B3GNT4: variants seen among roughly 807,000 people sequenced by gnomAD.
B3GNT4 encodes the protein N-acetyllactosaminide beta-1,3-N-acetylglucosaminyltransferase 4.
B3GNT4 carries 2 observed loss-of-function variants against 2.7 expected under a neutral mutation model. The observed-to-expected ratio is 0.73, with a 90% confidence interval of 0.30 to 2.31. The LOEUF (loss-of-function observed/expected upper bound fraction) is 2.31. Among genes scored for constraint, B3GNT4 ranks in the 30% most tolerant of loss-of-function variants. The pLI, the probability that B3GNT4 is intolerant of heterozygous loss-of-function variation, is 0.12. For missense variants in B3GNT4, 708 were observed against 490.9 expected (o/e 1.44, Z -4.18); for synonymous variants, 280 against 203.4 (o/e 1.38, Z -3.20).
At position 122,207,969 on chromosome 12, in the gene B3GNT4, C is replaced by A; in HGVS notation, c.*581C>A. On this transcript the variant is annotated 3_prime_UTR_variant, in exon 3 of 3. Transcript: ENST00000324189. Reference sequence around the variant, plus strand: ...ACAGGTTCCCCTCCCCCTGCCACAACTGGCATCCCAACAGAGGGAACAAGT... The same window carrying A: ...ACAGGTTCCCCTCCCCCTGCCACAAATGGCATCCCAACAGAGGGAACAAGT... The A allele has an allele frequency of 2.1e-6, 1 of 468,036 alleles. No individual in the cohort carries two copies. The highest frequency in any genetic ancestry group is 1.5e-5 in the South Asian group (1 of 64,600). 29.0% of individuals were successfully genotyped at this position (468,036 alleles called of 1,614,324 possible).
At position 122,206,329 on chromosome 12, in the gene B3GNT4, G is replaced by C; in HGVS notation, c.78G>C (p.Met26Ile). The C allele has an allele frequency of 6.4e-7, 1 of 1,571,338 alleles. No homozygotes were observed. The highest frequency in any genetic ancestry group is 8.6e-7 in the Non-Finnish European group (1 of 1,157,842). Residue 26 changes from methionine to isoleucine, a missense_variant, in exon 3 of 3, where the codon ATG (methionine) becomes ATC (isoleucine). Physicochemically the swap from Met to Ile is conservative, Grantham distance 10. Coordinates refer to ENST00000324189, the MANE Select transcript of B3GNT4 (RefSeq NM_030765.4). ...RSGLLPKGPA[M>I]LCRLCWLVSY... ...CTCTCTCCTTGCAGGGACCGGCGAT[G>C]CTCTGCAGGCTGTGCTGGCTGGTCT...
rs767450318 is a variant in B3GNT4 at position 122,207,999 on chromosome 12, A to C, written c.*611A>C. The C allele has an allele frequency of 4.2e-6, 2 of 480,334 alleles. No individual in the cohort carries two copies. The highest frequency in any genetic ancestry group is 1.5e-5 in the South Asian group (1 of 64,682). The allele number at this position is 480,334 out of a possible 1,614,324, so 29.8% of individuals were successfully genotyped here. A position where few individuals can be genotyped will look rare whatever the true frequency, so the allele number is the denominator to read the frequency against. ...ATCCCAACAGAGGGAACAAGTACTA[A>C]ATCATTTTTGACGACGTAAATAAGA... is the stretch of plus-strand genomic sequence containing the variant. On this transcript the variant is annotated 3_prime_UTR_variant, in exon 3 of 3. Coordinates refer to ENST00000324189, the MANE Select transcript of B3GNT4 (RefSeq NM_030765.4).
intron 2 of B3GNT4, chr12:122,206,101 C>G: frequency 2.1e-6 from 1 of 484,836 alleles, no homozygotes; most frequent in Non-Finnish European, 3.6e-6. Context: ...CAGGAGTCCT[C>G]AGATGATGGC....
Position 122,208,338 on chromosome 12 carries a change from C to T in B3GNT4, c.*950C>T. 6.2e-7 allele frequency: 1 copy of T among 1,603,202 alleles called. No homozygotes were observed. The highest frequency in any genetic ancestry group is 8.5e-7 in the Non-Finnish European group (1 of 1,174,724). On this transcript the variant is annotated 3_prime_UTR_variant, in exon 3 of 3. Transcript: ENST00000324189. ...CTGGGCAGGGTGGCATCTGCCCCTG[C>T]TTTCCCCACTGAGTGGGGAGACAGG...
In B3GNT4 at chr12:122,208,187, C is replaced by A; in HGVS notation, c.*799C>A. On this transcript the variant is annotated 3_prime_UTR_variant, in exon 3 of 3. Transcript: ENST00000324189. ...TTAAACAGGGTGCAGTGCCCAAGGG[C>A]TAAGAACCAGGTCCAGCGCAAGCCT... is the stretch of plus-strand genomic sequence containing the variant. 1.4e-6 allele frequency: 1 copy of A among 726,290 alleles called. No individual in the cohort carries two copies. The highest frequency in any genetic ancestry group is 2.4e-6 in the Non-Finnish European group (1 of 410,172). 45.0% of individuals were successfully genotyped at this position (726,290 alleles called of 1,614,324 possible). A position where few individuals can be genotyped will look rare whatever the true frequency, so the allele number is the denominator to read the frequency against.
Position 122,206,795 on chromosome 12 carries a change from C to T in B3GNT4, c.544C>T (p.Leu182Phe). 3.7e-6 allele frequency: 6 copies of T among 1,609,682 alleles called. No individual in the cohort carries two copies. The highest frequency in any genetic ancestry group is 5.1e-6 in the Non-Finnish European group (6 of 1,177,722). ...TGAGAGTAGGGAGTTTGATGACATC[C>T]TCCAGTGGGACTTCACTGAGGACTT... ...AYESREFDDI[L>F]QWDFTEDFFN... Residue 182 changes from leucine (L) to phenylalanine (F), a missense_variant, in exon 3 of 3, where the codon CTC becomes TTC. Transcript: ENST00000324189.
intron 2 of B3GNT4, chr12:122,205,260 G>C: frequency 6.5e-6 from 1 of 153,542 alleles, no homozygotes; most frequent in Admixed American, 6.5e-5. Context: ...CTTGGCTATG[G>C]GATCCGTCCT....
chr12:122,207,043 C>T lies in B3GNT4; in HGVS notation c.792C>T (p.Pro264=), dbSNP rs747595280. The T allele has an allele frequency of 1.2e-6, 2 of 1,613,788 alleles. No individual in the cohort carries two copies. Among genetic ancestry groups the T allele is most frequent in the East Asian group, 2.2e-5 (1 of 44,876 alleles). Residue 264 remains proline, a synonymous_variant, in exon 3 of 3, where the codon CCC becomes CCT. Coordinates refer to ENST00000324189, the MANE Select transcript of B3GNT4 (RefSeq NM_030765.4). ...RNTKVKYFIP[P]SMYRATHYPP... ...CTAAGGTCAAATACTTCATCCCACC[C>T]TCAATGTACAGGGCCACCCACTACC... is the stretch of plus-strand genomic sequence containing the variant.
chr12:122,206,785 T>G lies in B3GNT4; in HGVS notation c.534T>G (p.Phe178Leu). ...AQLLAYESRE[F>L]DDILQWDFTE... ...TGCTGGCCTATGAGAGTAGGGAGTT[T>G]GATGACATCCTCCAGTGGGACTTCA... The change falls in exon 3 of 3, where the codon TTT (phenylalanine) becomes TTG (leucine). Residue 178 changes from phenylalanine to leucine, a missense_variant. By Grantham distance (22) the Phe-to-Leu change is conservative. Transcript: ENST00000324189. The G allele has an allele frequency of 6.2e-7, 1 of 1,608,454 alleles. No individual in the cohort carries two copies. Among genetic ancestry groups the G allele is most frequent in the South Asian group, 1.1e-5 (1 of 90,400 alleles).
chr12:122,206,420 G>T lies in B3GNT4; in HGVS notation c.169G>T (p.Gly57Ter), dbSNP rs1448123914. ...LFLRKAAKPA[G>*]DPTAHQPFWA... is the part of the protein sequence containing the mutation. ...CCTGAGGAAGGCGGCCAAGCCCGCAGGAGACCCCACGGCCCACCAGCCTTT... is the reference window on the plus strand; with the variant it reads ...CCTGAGGAAGGCGGCCAAGCCCGCATGAGACCCCACGGCCCACCAGCCTTT... The change falls in exon 3 of 3, where the codon GGA (glycine) becomes TGA (stop). Residue 57 changes from glycine (G) to a stop codon, truncating the protein, a stop_gained. Coordinates refer to ENST00000324189, the MANE Select transcript of B3GNT4 (RefSeq NM_030765.4). LOFTEE classifies it low-confidence loss of function (END_TRUNC). The T allele has an allele frequency of 6.2e-7, 1 of 1,613,738 alleles. No individual in the cohort carries two copies. The highest frequency in any genetic ancestry group is 8.5e-7 in the Non-Finnish European group (1 of 1,179,984).
In B3GNT4 at chr12:122,208,081, C is replaced by T. The variant is rs973927358; in HGVS notation, c.*693C>T. ...AGGGCATGACAAAAAGGACTCCTCT[C>T]TCTGACCCAGGTAGGCAAAATGCTT... On this transcript the variant is annotated 3_prime_UTR_variant, in exon 3 of 3. Coordinates refer to ENST00000324189, the MANE Select transcript of B3GNT4 (RefSeq NM_030765.4). The T allele has an allele frequency of 1.6e-6, 1 of 610,342 alleles. No individual in the cohort carries two copies. The highest frequency in any genetic ancestry group is 1.8e-5 in the African/African-American group (1 of 55,130). The allele number at this position is 610,342 out of a possible 1,614,324, so 37.8% of individuals were successfully genotyped here. A position where few individuals can be genotyped will look rare whatever the true frequency, so the allele number is the denominator to read the frequency against.
At chr12:122,204,376 G>C (rs1385574577) in intron 1 of B3GNT4, 146 bp from the exon 2 acceptor site, 1 of 392,834 alleles carries the variant, frequency 2.5e-6, no homozygotes, top group Non-Finnish European at 4.6e-6. Context: ...CGTGCGGCCA[G>C]CGCCTGGGGA....
chr12:122,204,418 G>C (rs12822531), intron 1 of B3GNT4, 104 bp from the exon 2 acceptor site: 10 of 545,622 alleles, frequency 1.8e-5, no homozygotes, highest in African/African-American at 1.4e-4. Context: ...CACCCGGGCC[G>C]CGGCGCAGCC....
chr12:122,208,357 A>C lies in B3GNT4; in HGVS notation c.*969A>C, dbSNP rs1458112426. On this transcript the variant is annotated 3_prime_UTR_variant, in exon 3 of 3. Coordinates refer to ENST00000324189, the MANE Select transcript of B3GNT4 (RefSeq NM_030765.4). ...CCCCTGCTTTCCCCACTGAGTGGGG[A>C]GACAGGGCAGTGTGCTCAGGCCCTC... 6.2e-7 allele frequency: 1 copy of C among 1,610,446 alleles called. No individual in the cohort carries two copies. Among genetic ancestry groups the C allele is most frequent in the East Asian group, 2.2e-5 (1 of 44,866 alleles).
intron 1 of B3GNT4, 103 bp downstream of exon 1, chr12:122,203,904 C>T (rs1459481013): frequency 1.3e-5 from 2 of 152,406 alleles, no homozygotes; most frequent in African/African-American, 4.8e-5. Flanking sequence ...GCGGCCCGCT[C>T]CCCGGTCCCC....
chr12:122,207,396 G>T lies in B3GNT4; in HGVS notation c.*8G>T, dbSNP rs2050060397. On this transcript the variant is annotated 3_prime_UTR_variant, in exon 3 of 3. Coordinates refer to ENST00000324189, the MANE Select transcript of B3GNT4 (RefSeq NM_030765.4). ...CCCATACCCCAGCGCTGAAGGGTGG[G>T]TTGGGCAACAGCCTGAGAGTGGACT... 1.3e-6 allele frequency: 2 copies of T among 1,533,052 alleles called. No individual in the cohort carries two copies. Among genetic ancestry groups the T allele is most frequent in the East Asian group, 4.5e-5 (2 of 44,144 alleles). The allele number at this position is 1,533,052 out of a possible 1,614,324, so 95.0% of individuals were successfully genotyped here.
In B3GNT4 at chr12:122,206,566, C is replaced by CTCTA; in HGVS notation, c.319_322dup (p.Leu108TyrfsTer43). ...TGACCTATCGTCACTGCCGAAATTT[C>CTCTA]TCTATCTTGCTGGAGCCTTCAGGCT... On this transcript the variant is annotated frameshift_variant, in exon 3 of 3. Coordinates refer to ENST00000324189, the MANE Select transcript of B3GNT4 (RefSeq NM_030765.4). LOFTEE classifies it low-confidence loss of function (END_TRUNC). 1.2e-6 allele frequency: 2 copies of CTCTA among 1,614,232 alleles called. No individual in the cohort carries two copies. Among genetic ancestry groups the CTCTA allele is most frequent in the Non-Finnish European group, 1.7e-6 (2 of 1,180,044 alleles).
chr12:122,207,267 C>T lies in B3GNT4; in HGVS notation c.1016C>T (p.Pro339Leu), dbSNP rs1461452631. ...GIRRPLDPLD[P>L]CLYRGLLLVH... ...CGGCGGCCCCTGGACCCCTTAGACC[C>T]CTGCCTGTATAGGGGGCTCCTGCTG... The change falls in exon 3 of 3, where the codon CCC (proline) becomes CTC (leucine). Residue 339 changes from proline (P) to leucine (L), a missense_variant. Transcript: ENST00000324189. 6.2e-7 allele frequency: 1 copy of T among 1,614,016 alleles called. No individual in the cohort carries two copies. The highest frequency in any genetic ancestry group is 8.5e-7 in the Non-Finnish European group (1 of 1,180,032).
At position 122,207,090 on chromosome 12, in the gene B3GNT4, G is replaced by A. The variant is rs1278052323; in HGVS notation, c.839G>A (p.Gly280Glu). 2.5e-6 allele frequency: 4 copies of A among 1,613,962 alleles called. No homozygotes were observed. The highest frequency in any genetic ancestry group is 2.2e-5 in the East Asian group (1 of 44,896). ...THYPPYAGGG[G>E]YVMSRATVRR... ...TACCCACCCTATGCTGGTGGGGGAG[G>A]ATATGTCATGTCCAGAGCCACAGTG... Residue 280 changes from glycine to glutamate, a missense_variant, in exon 3 of 3, where the codon GGA (glycine) becomes GAA (glutamate). Coordinates refer to ENST00000324189, the MANE Select transcript of B3GNT4 (RefSeq NM_030765.4).
Sources: gnomAD v4.1 joint callset for allele counts on GRCh38, gnomAD v4.1.1 for gene constraint, MANE v1.5 for transcripts, NCBI Gene and HGNC (gene_info 2026-07-23, HGNC 2026-07-21) for gene names.